The following TULP4 variants were observed in gnomAD, a reference collection of about 807,000 sequenced individuals.
TULP4 encodes TUB like protein 4, also known as tubby-related protein 4.
A neutral mutation model predicts 129.0 loss-of-function variants in TULP4; 16 were observed. The observed-to-expected ratio is 0.12, with a 90% CI of 0.08 to 0.19. The LOEUF is 0.19. Ranked by LOEUF, TULP4 falls within the 10% of genes least tolerant of loss-of-function variation. The pLI, the probability that TULP4 is intolerant of heterozygous loss-of-function variation, is 1.00. For missense variants in TULP4, 1,842 were observed against 2,059.1 expected (o/e 0.89, Z 2.04); for synonymous variants, 998 against 854.0 (o/e 1.17, Z -2.94).
intron 6 of TULP4, among the ~76,000 whole-genome samples, chr6:158,478,279 A>G (rs1406113353): frequency 6.6e-6 from 1 of 152,146 alleles, no homozygotes; most frequent in African/African-American, 2.4e-5. Context: ...TTTTTGGGGG[A>G]CTTGAGCTCT....
Position 158,461,568 on chromosome 6 carries a change from G to T in TULP4, c.865G>T (p.Val289Leu), listed in dbSNP as rs748162335. Reference protein sequence around the residue: ...TVIRSGLKEVVAQWCTQGDLL... With the variant: ...TVIRSGLKEVLAQWCTQGDLL... ...CCCTCTCTCCTCTGTTTCAGAGGTGGTAGCCCAGTGGTGCACACAGGGGGA... is the reference window on the plus strand; with the variant it reads ...CCCTCTCTCCTCTGTTTCAGAGGTGTTAGCCCAGTGGTGCACACAGGGGGA... The change falls in exon 6 of 14, where the codon GTA (valine) becomes TTA (leucine). Residue 289 changes from valine to leucine, a missense_variant. Transcript: ENST00000367097. 4 of 1,613,002 alleles carry T rather than the reference G, an allele frequency of 2.5e-6. No homozygotes were observed. The highest frequency in any genetic ancestry group is 2.5e-6 in the Non-Finnish European group (3 of 1,179,656).
chr6:158,239,560 C>T (rs1777810312), intron 1 of TULP4, among the ~76,000 whole-genome samples: 1 of 57,476 alleles, frequency 1.7e-5, no homozygotes, highest in Non-Finnish European at 3.9e-5. Context: ...CCTCACCTCC[C>T]GGACGGGGCG....
intron 1 of TULP4, among the ~76,000 whole-genome samples, chr6:158,240,518 G>A (rs1777864920): frequency 1.1e-5 from 1 of 91,980 alleles, no homozygotes; most frequent in Non-Finnish European, 2.5e-5. Flanking sequence ...GCCGGGCGGG[G>A]GGCTGACCCC....
chr6:158,347,810 A>G (rs1324253731), intron 1 of TULP4, among the ~76,000 whole-genome samples: 1 of 150,376 alleles, frequency 6.6e-6, no homozygotes, highest in East Asian at 1.9e-4. Flanking sequence ...TCCCTTCTCC[A>G]CCTTTTTTAT....
In TULP4 at chr6:158,413,953, A is replaced by G. The variant is rs1247877223; in HGVS notation, c.381+760A>G. Among the ~76,000 whole-genome samples, 1 of 152,182 alleles carries G rather than the reference A, an allele frequency of 6.6e-6. No individual in the cohort carries two copies. Among genetic ancestry groups the G allele is most frequent in the Non-Finnish European group, 1.5e-5 (1 of 68,036 alleles). ...TTGGACTATTTTAACTCTCAGAATG[A>G]TTTCCCTGTGGCTGCCTTTCTATAC... On this transcript the variant is annotated intron_variant, in intron 2 of 13. Coordinates refer to ENST00000367097, the MANE Select transcript of TULP4 (RefSeq NM_020245.5). This position sits in a 1 kb window ranked among gnomAD's most constrained non-coding sequence, Gnocchi z 4.9.
chr6:158,432,006 C>G (rs1187686731), intron 3 of TULP4, among the ~76,000 whole-genome samples: 1 of 150,676 alleles, frequency 6.6e-6, no homozygotes, highest in Non-Finnish European at 1.5e-5. Flanking sequence ...TGCCTGTTGT[C>G]TCAGCTAGTC....
At chr6:158,496,217 T>C (rs1780334945) in intron 11 of TULP4, among the ~76,000 whole-genome samples, 1 of 152,206 alleles carries the variant, frequency 6.6e-6, no homozygotes, top group Non-Finnish European at 1.5e-5. Flanking sequence ...CAAGGCCAGC[T>C]CAGCCAGGGG....
intron 1 of TULP4, chr6:158,242,759 G>C: frequency 6.9e-6 from 3 of 434,172 alleles, no homozygotes; most frequent in Non-Finnish European, 8.7e-6. Context: ...TGCTGTTCTG[G>C]CCGTACCGGT....
At chr6:158,392,965 A>G (rs1362574570) in intron 1 of TULP4, among the ~76,000 whole-genome samples, 1 of 120,288 alleles carries the variant, frequency 8.3e-6, no homozygotes, top group Non-Finnish European at 1.7e-5. Context: ...TGGGTGACAG[A>G]GTGAGACTCT....
chr6:158,309,559 T>A (rs1187048254), upstream of TULP4, among the ~76,000 whole-genome samples: 7 of 151,982 alleles, frequency 4.6e-5, no homozygotes, highest in Non-Finnish European at 2.9e-5. Context: ...ATGGAGGTTG[T>A]AGCAAGCCGA....
intron 5 of TULP4, among the ~76,000 whole-genome samples, chr6:158,461,303 C>T (rs569066885): frequency 1.3e-5 from 2 of 151,550 alleles, no homozygotes; most frequent in East Asian, 3.9e-4. Context: ...CCCAGCTACT[C>T]GGGAGGCTGA....
intron 1 of TULP4, among the ~76,000 whole-genome samples, chr6:158,350,021 G>T (rs1486028223): frequency 3.4e-5 from 5 of 149,054 alleles, no homozygotes; most frequent in Non-Finnish European, 7.4e-5. Context: ...AGGCGGGGCA[G>T]CCGGGCAGAG....
At chr6:158,399,169 G>A (rs1401545280) in intron 1 of TULP4, among the ~76,000 whole-genome samples, 1 of 152,190 alleles carries the variant, frequency 6.6e-6, no homozygotes, top group Non-Finnish European at 1.5e-5. Flanking sequence ...ATAGAAAAAA[G>A]GGCAGAGGCA....
intron 1 of TULP4, among the ~76,000 whole-genome samples, chr6:158,256,261 T>C (rs899657703): frequency 2.3e-5 from 3 of 132,056 alleles, no homozygotes; most frequent in African/African-American, 7.5e-5. Flanking sequence ...CAGATTGTTT[T>C]CTTTTTTCTT....
intron 1 of TULP4, among the ~76,000 whole-genome samples, chr6:158,251,046 A>G (rs566620298): frequency 1.9e-4 from 29 of 152,318 alleles, no homozygotes; most frequent in Admixed American, 3.3e-4. Context: ...GAGATGTCCC[A>G]AGAAGGAGGC....
rs910195951 is a variant in TULP4, at chr6:158,423,135, G to A, written c.382-6601G>A. On this transcript the variant is annotated intron_variant, in intron 2 of 13. Transcript: ENST00000367097. ...TCCACAAAAAAGAGGGGGGGGGGGG[G>A]AAAGAAACCTTCCCAGGACCCCTTT... Among the ~76,000 whole-genome samples the A allele has an allele frequency of 2.2e-4, 27 of 124,442 alleles. 1 individual carries two copies. Among genetic ancestry groups the A allele is most frequent in the East Asian group, 1.0e-3 (5 of 4,800 alleles). The allele number at this position is 124,442 out of a possible 152,430, so 81.6% of individuals were successfully genotyped here.
rs770829194 is a variant in TULP4 at position 158,452,151 on chromosome 6, C to T, written c.742C>T (p.Pro248Ser). ...TCCTGCAGATGGTCCGGCAGCATAT[C>T]CCATCCCAGTGCAGAACATCAAGCC... Reference protein sequence around the residue: ...APPQDGPAAYPIPVQNIKPLL... With the variant: ...APPQDGPAAYSIPVQNIKPLL... Residue 248 changes from proline to serine, a missense_variant, in exon 5 of 14, where the codon CCC (proline) becomes TCC (serine). Pro to Ser is a moderately conservative substitution (Grantham distance 74). Around this residue, in one of 5 missense-constraint regions of TULP4, gnomAD observed 456 missense variants for 534.3 expected, o/e 0.85. Coordinates refer to ENST00000367097, the MANE Select transcript of TULP4 (RefSeq NM_020245.5). The T allele has an allele frequency of 2.5e-6, 4 of 1,614,024 alleles. No individual in the cohort carries two copies. In the East Asian group the frequency reaches 8.9e-5, roughly 36 times the overall value.
chr6:158,477,099 T>C lies in TULP4; in HGVS notation c.1027-2652T>C, dbSNP rs145843429. Among the ~76,000 whole-genome samples, 22 of 152,328 alleles carry C rather than the reference T, an allele frequency of 1.4e-4. No homozygotes were observed. The East Asian group carries it at 4.2e-3, about 29-fold the overall frequency. On this transcript the variant is annotated intron_variant, in intron 6 of 13. Transcript: ENST00000367097. ...TGGAATGTAGTTTTGCAGACAAGGT[T>C]GTTTTTGTCAGGATGGGTGGTAATT...
chr6:158,505,624 G>A (rs534727266), intron 13 of TULP4, among the ~76,000 whole-genome samples: 52 of 152,348 alleles, frequency 3.4e-4, no homozygotes, highest in East Asian at 1.4e-3. Context: ...GACCAGAGGC[G>A]GATGAGTGCA....
Sources: gnomAD v4.1 joint callset for allele counts (sites outside exome capture counted in the v4.1 genomes callset) on GRCh38, gnomAD v4.1.1 for gene constraint, gnomAD v4.1.1 regional missense constraint, Gnocchi (gnomAD v3.1) non-coding constraint, MANE v1.5 for transcripts, NCBI Gene and HGNC (gene_info 2026-07-23, HGNC 2026-07-21) for gene names.